Variants in RYK observed in about 807,000 individuals in gnomAD.
RYK encodes inactive tyrosine-protein kinase RYK.
A neutral mutation model predicts 70.2 loss-of-function variants in RYK; 21 were observed. The ratio of observed to expected loss-of-function variants is 0.30; its 90% CI spans 0.21 to 0.43. The LOEUF is 0.43. RYK is among the 20% of genes least tolerant of loss of function. The pLI, the probability that RYK is intolerant of heterozygous loss-of-function variation, is 1.00. For synonymous variants in RYK, 267 were observed against 278.0 expected, an observed-to-expected ratio of 0.96 and a Z score of 0.39; for missense variants, 604 against 753.3, an observed-to-expected ratio of 0.80 and a Z score of 2.32.
At chr3:134,206,874 A>T (rs1044955034) in intron 5 of RYK, among the ~76,000 whole-genome samples, 7 of 152,022 alleles carry the variant, frequency 4.6e-5, no homozygotes, top group African/African-American at 1.2e-4. Flanking sequence ...AGTTTTCAAA[A>T]CCAATTTTTT....
At chr3:134,246,641 A>T (rs549764224) in intron 1 of RYK, among the ~76,000 whole-genome samples, 2 of 152,198 alleles carry the variant, frequency 1.3e-5, no homozygotes, top group South Asian at 4.1e-4. Flanking sequence ...TTATGAAAAA[A>T]TGTATTTCTA....
intron 5 of RYK, among the ~76,000 whole-genome samples, chr3:134,204,187 T>C (rs1217822539): frequency 6.6e-6 from 1 of 152,130 alleles, no homozygotes; most frequent in Non-Finnish European, 1.5e-5. Flanking sequence ...GATACTCAGC[T>C]TTATATTATT....
At chr3:134,207,131 A>C (rs138790041) in intron 5 of RYK, among the ~76,000 whole-genome samples, 177 of 152,330 alleles carry the variant, frequency 1.2e-3, no homozygotes, top group African/African-American at 3.9e-3. Context: ...GATTAGGTCC[A>C]GACTGCAAGC....
chr3:134,195,755 T>C (rs1405943611), intron 6 of RYK, among the ~76,000 whole-genome samples: 2 of 152,324 alleles, frequency 1.3e-5, no homozygotes, highest in South Asian at 4.1e-4. Flanking sequence ...GACACCAGTA[T>C]GGCCTACATG....
At chr3:134,232,314 G>GA (rs199999503) in intron 1 of RYK, among the ~76,000 whole-genome samples, 1 of 151,934 alleles carries the variant, frequency 6.6e-6, no homozygotes, top group Non-Finnish European at 1.5e-5. Context: ...CATCAGCTCA[G>GA]AAAAAAACAC....
chr3:134,229,294 T>TTCTCTCTC (rs34305748), intron 1 of RYK, among the ~76,000 whole-genome samples: 2 of 143,844 alleles, frequency 1.4e-5, no homozygotes, highest in Non-Finnish European at 3.0e-5. Context: ...CTCTACTGCC[T>TTCTCTCTC]TCTCTCTCTC....
At chr3:134,198,253 G>A (rs1474351146) in intron 6 of RYK, among the ~76,000 whole-genome samples, 2 of 152,172 alleles carry the variant, frequency 1.3e-5, no homozygotes, top group South Asian at 2.1e-4. Context: ...TACTAACCCT[G>A]TCTTAGAATG....
chr3:134,157,232 A>G lies in RYK; in HGVS notation c.*921T>C, dbSNP rs967251765. 3.3e-5 allele frequency: 5 copies of G among 152,688 alleles called. No homozygotes were observed. Among genetic ancestry groups the G allele is most frequent in the Non-Finnish European group, 5.9e-5 (4 of 68,050 alleles). The allele number at this position is 152,688 out of a possible 1,614,324, so 9.5% of individuals were successfully genotyped here. A position where few individuals can be genotyped will look rare whatever the true frequency, so the allele number is the denominator to read the frequency against. On this transcript the variant is annotated 3_prime_UTR_variant, in exon 15 of 15. Transcript: ENST00000623711. ...GCACAAAATTTACCAGTTTACATTT[A>G]AAAAACAAACAAAAAACGACAACAA...
intron 9 of RYK, among the ~76,000 whole-genome samples, chr3:134,188,266 T>C (rs2013536431): frequency 1.3e-5 from 2 of 151,048 alleles, no homozygotes; most frequent in African/African-American, 4.9e-5. Context: ...GTTCAAGCAA[T>C]TCTCACACCT....
intron 10 of RYK, chr3:134,181,682 T>C (rs1160507828): frequency 6.6e-6 from 1 of 152,224 alleles, no homozygotes; most frequent in Non-Finnish European, 1.5e-5. Context: ...CACAGTTCTT[T>C]TTTTAAACAT....
intron 6 of RYK, among the ~76,000 whole-genome samples, chr3:134,199,049 T>C (rs1415000713): frequency 6.6e-6 from 1 of 152,202 alleles, no homozygotes; most frequent in Non-Finnish European, 1.5e-5. Flanking sequence ...CCAACCCCTC[T>C]GCAGGACTTC....
intron 7 of RYK, among the ~76,000 whole-genome samples, chr3:134,192,598 A>G (rs1464769470): frequency 2.0e-5 from 3 of 152,122 alleles, no homozygotes; most frequent in Admixed American, 2.0e-4. Flanking sequence ...TTCTTAATTC[A>G]ATGACAGTAA....
intron 2 of RYK, among the ~76,000 whole-genome samples, chr3:134,213,089 G>A (rs1317509184): frequency 6.6e-6 from 1 of 152,168 alleles, no homozygotes; most frequent in Non-Finnish European, 1.5e-5. Flanking sequence ...GCTGCCACCA[G>A]GGGGTGCTAG....
chr3:134,177,987 T>C lies in RYK; in HGVS notation c.1259A>G (p.Lys420Arg). 2 of 1,613,202 alleles carry C rather than the reference T, an allele frequency of 1.2e-6. No individual in the cohort carries two copies. The highest frequency in any genetic ancestry group is 1.7e-6 in the Non-Finnish European group (2 of 1,179,472). Residue 420 changes from lysine to arginine, a missense_variant, in exon 11 of 15, where the codon AAA becomes AGA. Physicochemically the swap from Lys to Arg is conservative, Grantham distance 26. Coordinates refer to ENST00000623711, the MANE Select transcript of RYK (RefSeq NM_002958.4). ...ILPYMNWGNL[K>R]LFLRQCKLVE... ...TAACTTGCACTGTCGTAAAAACAATTTAAGATTCCCCCAATTCATGTAAGG... is the reference window on the plus strand; with the variant it reads ...TAACTTGCACTGTCGTAAAAACAATCTAAGATTCCCCCAATTCATGTAAGG...
chr3:134,243,222 C>T, intron 1 of RYK, among the ~76,000 whole-genome samples: 1 of 152,118 alleles, frequency 6.6e-6, no homozygotes, highest in East Asian at 1.9e-4. Context: ...AATCTGAAAC[C>T]CTAGATTCCT....
At chr3:134,223,935 C>A (rs1003839441) in intron 1 of RYK, among the ~76,000 whole-genome samples, 1 of 152,110 alleles carries the variant, frequency 6.6e-6, no homozygotes, top group Non-Finnish European at 1.5e-5. Context: ...AGGTATTTAT[C>A]CTGTAAAATT....
intron 13 of RYK, among the ~76,000 whole-genome samples, chr3:134,164,999 C>T (rs955191124): frequency 6.6e-6 from 1 of 152,102 alleles, no homozygotes; most frequent in African/African-American, 2.4e-5. Context: ...TAATATTTTT[C>T]AAACTTGGAG....
intron 2 of RYK, among the ~76,000 whole-genome samples, chr3:134,215,874 C>A (rs1042021932): frequency 1.3e-5 from 2 of 151,912 alleles, no homozygotes; most frequent in Non-Finnish European, 2.9e-5. Flanking sequence ...CCCGTCTCTA[C>A]TAAAAATACA....
At chr3:134,190,827 A>T (rs774019724) in intron 8 of RYK, among the ~76,000 whole-genome samples, 65 of 152,164 alleles carry the variant, frequency 4.3e-4, no homozygotes, top group Non-Finnish European at 8.8e-4. Flanking sequence ...ACATTAATTG[A>T]TCTCTCATTT....
Sources: gnomAD v4.1 joint callset for allele counts (sites outside exome capture counted in the v4.1 genomes callset) on GRCh38, gnomAD v4.1.1 for gene constraint, MANE v1.5 for transcripts, NCBI Gene and HGNC (gene_info 2026-07-23, HGNC 2026-07-21) for gene names.